The following PLEKHG3 variants were observed in gnomAD, a reference collection of about 807,000 sequenced individuals.
PLEKHG3 encodes the protein pleckstrin homology domain-containing family G member 3.
PLEKHG3 carries 62 observed loss-of-function variants against 94.9 expected under a neutral mutation model. That is an observed-to-expected ratio of 0.65 (90% confidence interval 0.53 to 0.81). PLEKHG3 has a LOEUF of 0.81. PLEKHG3 is among the 30% of genes least tolerant of loss of function. PLEKHG3 has a pLI of 0.00. For missense variants in PLEKHG3, 1,461 were observed against 1,619.3 expected (o/e 0.90, Z 1.68); for synonymous variants, 614 against 654.0 (o/e 0.94, Z 0.93).
rs1252103877 is a variant in PLEKHG3 at position 64,739,604 on chromosome 14, C to A, written c.1518+749C>A. ...GATGTCTTAGCTTGAGCTGCTGTAA[C>A]AAAATCCCTTACTGCTACGTGGGTA... On this transcript the variant is annotated intron_variant, in intron 15 of 16. Transcript: ENST00000247226. The surrounding 1 kb of genome is among the most constrained non-coding windows in gnomAD (Gnocchi z 4.1). 6.6e-6 allele frequency among the ~76,000 whole-genome samples: 1 copy of A among 152,252 alleles called. No individual in the cohort carries two copies. The highest frequency in any genetic ancestry group is 2.4e-5 in the African/African-American group (1 of 41,468).
At chr14:64,712,669 T>C (rs892174229) in intron 1 of PLEKHG3, among the ~76,000 whole-genome samples, 1 of 152,250 alleles carries the variant, frequency 6.6e-6, no homozygotes, top group African/African-American at 2.4e-5. Flanking sequence ...TCTTGTATTC[T>C]GGTACATTGC....
At position 64,715,872 on chromosome 14, in the gene PLEKHG3, C is replaced by G. The variant is rs1239561552; in HGVS notation, c.-40+11168C>G. 1.7e-5 allele frequency: 6 copies of G among 345,782 alleles called. No homozygotes were observed. The Admixed American group carries it at 1.9e-4, about 11-fold the overall frequency. The allele number at this position is 345,782 out of a possible 1,614,324, so 21.4% of individuals were successfully genotyped here. Reference sequence around the variant, plus strand: ...CCAGCAATCAGGAATGAGAGAAATGCAGAAAGTATGACCCACACGCAGAAC... The same window carrying G: ...CCAGCAATCAGGAATGAGAGAAATGGAGAAAGTATGACCCACACGCAGAAC... On this transcript the variant is annotated intron_variant, in intron 1 of 16. Coordinates refer to ENST00000247226, the MANE Select transcript of PLEKHG3 (RefSeq NM_001308147.2). This position sits in a 1 kb window ranked among gnomAD's most constrained non-coding sequence, Gnocchi z 4.4.
intron 12 of PLEKHG3, among the ~76,000 whole-genome samples, chr14:64,736,561 AG>A (rs927152955): frequency 6.6e-6 from 1 of 152,120 alleles, no homozygotes; most frequent in African/African-American, 2.4e-5. Flanking sequence ...CTCCTGCGCG[AG>A]GGCCCTGGGC....
At position 64,742,025 on chromosome 14, in the gene PLEKHG3, G is replaced by A. The variant is rs2081707516; in HGVS notation, c.2508G>A (p.Gln836=). The A allele has an allele frequency of 6.3e-7, 1 of 1,589,206 alleles. No individual in the cohort carries two copies. The highest frequency in any genetic ancestry group is 8.6e-7 in the Non-Finnish European group (1 of 1,166,620). The part of the protein sequence containing the change: ...GSPGKGPGQG[Q]ANGFDLHEPL... ...CTGGGAAGGGGCCAGGCCAGGGCCA[G>A]GCCAATGGCTTTGACCTGCATGAGC... Residue 836 remains glutamine (Q), a synonymous_variant, in exon 16 of 17, where the codon CAG becomes CAA. Coordinates refer to ENST00000247226, the MANE Select transcript of PLEKHG3 (RefSeq NM_001308147.2).
chr14:64,722,471 C>T lies in PLEKHG3; in HGVS notation c.-39-5122C>T, dbSNP rs556197202. On this transcript the variant is annotated intron_variant, in intron 1 of 16. Transcript: ENST00000247226. The surrounding 1 kb of genome is among the most constrained non-coding windows in gnomAD (Gnocchi z 4.3). ...CTGACCAAAGGTGATCCGCCCACCT[C>T]GGCCTCCCAAAGTGCTGGGATTACA... Among the ~76,000 whole-genome samples, 3 of 152,294 alleles carry T rather than the reference C, an allele frequency of 2.0e-5. No individual in the cohort carries two copies. The highest frequency in any genetic ancestry group is 2.1e-4 in the South Asian group (1 of 4,830).
Position 64,743,684 on chromosome 14 carries a change from C to A in PLEKHG3, c.3641C>A (p.Ala1214Asp). ...AGAAACCTTAGAGAGAAGTTCCAGG[C>A]CTTGAACTCTGTCGGTTGATGCTGA... ...RVRNLREKFQALNSVG is the reference protein window; with the variant it reads ...RVRNLREKFQDLNSVG Residue 1214 changes from alanine (A) to aspartate (D), a missense_variant, in exon 17 of 17, where the codon GCC becomes GAC. This residue lies in a region of PLEKHG3 where 1,201 missense variants were observed against 1,295.5 expected (regional missense o/e 0.93). Transcript: ENST00000247226. This position sits in a 1 kb window ranked among gnomAD's most constrained non-coding sequence, Gnocchi z 7.2. 6.4e-7 allele frequency: 1 copy of A among 1,567,350 alleles called. No homozygotes were observed. Among genetic ancestry groups the A allele is most frequent in the Non-Finnish European group, 8.6e-7 (1 of 1,158,066 alleles).
Position 64,716,509 on chromosome 14 carries a change from ACAC to A in PLEKHG3, c.-39-11083_-39-11081del, listed in dbSNP as rs2081163286. 7.5e-6 allele frequency among the ~76,000 whole-genome samples: 1 copy of A among 133,212 alleles called. No individual in the cohort carries two copies. The highest frequency in any genetic ancestry group is 1.6e-5 in the Non-Finnish European group (1 of 61,762). The allele number at this position is 133,212 out of a possible 152,430, so 87.4% of individuals were successfully genotyped here. A position where few individuals can be genotyped will look rare whatever the true frequency, so the allele number is the denominator to read the frequency against. ...ACACACACACACAACACACACACACACACACACACACACACACACACACACACA... is the reference window on the plus strand; with the variant it reads ...ACACACACACACAACACACACACACAACACACACACACACACACACACACA... On this transcript the variant is annotated intron_variant, in intron 1 of 16. Coordinates refer to ENST00000247226, the MANE Select transcript of PLEKHG3 (RefSeq NM_001308147.2). This position sits in a 1 kb window ranked among gnomAD's most constrained non-coding sequence, Gnocchi z 5.0.
chr14:64,736,976 C>A, intron 13 of PLEKHG3, 85 bp downstream of exon 13: 1 of 990,824 alleles, frequency 1.0e-6, no homozygotes, highest in Non-Finnish European at 1.6e-6. Flanking sequence ...TGGGGTGTGA[C>A]CTGAGGGTGG....
intron 1 of PLEKHG3, among the ~76,000 whole-genome samples, chr14:64,713,371 T>C (rs943111621): frequency 6.6e-6 from 1 of 152,198 alleles, no homozygotes; most frequent in Non-Finnish European, 1.5e-5. Context: ...GAAGAGTTGA[T>C]ATGAATTATT....
In PLEKHG3 at chr14:64,731,848, C is replaced by A; in HGVS notation, c.1125+42C>A. On this transcript the variant is annotated intron_variant, in intron 9 of 16. Transcript: ENST00000247226. This position sits in a 1 kb window ranked among gnomAD's most constrained non-coding sequence, Gnocchi z 6.1. ...GCTCAGGGGCTAGGGAACAAGATGCCCAGGGGACACCTGCGTGGGACTCCT... is the reference window on the plus strand; with the variant it reads ...GCTCAGGGGCTAGGGAACAAGATGCACAGGGGACACCTGCGTGGGACTCCT... 2.9e-6 allele frequency: 4 copies of A among 1,384,070 alleles called. No homozygotes were observed. The highest frequency in any genetic ancestry group is 4.1e-6 in the Non-Finnish European group (4 of 972,630). 85.7% of individuals were successfully genotyped at this position (1,384,070 alleles called of 1,614,324 possible).
chr14:64,707,498 T>C (rs1257151639), intron 1 of PLEKHG3, among the ~76,000 whole-genome samples: 1 of 152,214 alleles, frequency 6.6e-6, no homozygotes, highest in African/African-American at 2.4e-5. Flanking sequence ...ACAATAATTA[T>C]TGACCCAGTG....
Position 64,749,731 on chromosome 14 carries a change from C to T in PLEKHG3, c.*6028C>T. On this transcript the variant is annotated 3_prime_UTR_variant, in exon 17 of 17. Coordinates refer to ENST00000247226, the MANE Select transcript of PLEKHG3 (RefSeq NM_001308147.2). This position sits in a 1 kb window ranked among gnomAD's most constrained non-coding sequence, Gnocchi z 4.7. ...CAAAGGGTTTCCTGTCATGGAGACA[C>T]CTCTGGAGGGGGCGCTGGGCAGAGG... The T allele has an allele frequency of 6.2e-7, 1 of 1,610,476 alleles. No homozygotes were observed. The highest frequency in any genetic ancestry group is 8.5e-7 in the Non-Finnish European group (1 of 1,178,362).
In PLEKHG3 at chr14:64,705,365, G is replaced by A. The variant is rs559412203; in HGVS notation, c.-40+661G>A. On this transcript the variant is annotated intron_variant, in intron 1 of 16. Coordinates refer to ENST00000247226, the MANE Select transcript of PLEKHG3 (RefSeq NM_001308147.2). ...GCTTAAATTTTTAAGGCGTTAAATA[G>A]CTACTTTGACTCTTCGGGGCGCCTT... Among the ~76,000 whole-genome samples the A allele has an allele frequency of 5.3e-5, 8 of 152,328 alleles. No individual in the cohort carries two copies. In the South Asian group the frequency reaches 1.7e-3, roughly 32 times the overall value.
At position 64,743,031 on chromosome 14, in the gene PLEKHG3, C is replaced by T; in HGVS notation, c.2988C>T (p.Ala996=). The T allele has an allele frequency of 6.2e-7, 1 of 1,613,160 alleles. No individual in the cohort carries two copies. Among genetic ancestry groups the T allele is most frequent in the Non-Finnish European group, 8.5e-7 (1 of 1,179,716 alleles). ...LSLFDYEQLM[A]QEHSPPKPSS... Reference sequence around the variant, plus strand: ...TATTTGACTATGAGCAGCTGATGGCCCAGGAGCACAGCCCTCCCAAGCCCT... The same window carrying T: ...TATTTGACTATGAGCAGCTGATGGCTCAGGAGCACAGCCCTCCCAAGCCCT... Residue 996 remains alanine, a synonymous_variant, in exon 17 of 17, where the codon GCC becomes GCT. Transcript: ENST00000247226. This position sits in a 1 kb window ranked among gnomAD's most constrained non-coding sequence, Gnocchi z 7.2.
At position 64,731,516 on chromosome 14, in the gene PLEKHG3, T is replaced by C. The variant is rs2081464454; in HGVS notation, c.1005T>C (p.Asp335=). ...TGCTTATCACCAAGAAGCGGGGCGA[T>C]CACTTTGTCTACAAGGGCAACATCC... ...KTLLITKKRG[D]HFVYKGNIPC... is the part of the protein sequence containing the mutation. Residue 335 remains aspartate, a synonymous_variant, in exon 8 of 17, where the codon GAT becomes GAC. Transcript: ENST00000247226. This position sits in a 1 kb window ranked among gnomAD's most constrained non-coding sequence, Gnocchi z 6.1. 1 of 1,613,998 alleles carries C rather than the reference T, an allele frequency of 6.2e-7. No individual in the cohort carries two copies. Among genetic ancestry groups the C allele is most frequent in the Non-Finnish European group, 8.5e-7 (1 of 1,179,992 alleles).
intron 1 of PLEKHG3, among the ~76,000 whole-genome samples, chr14:64,719,106 C>T (rs911033583): frequency 6.6e-6 from 1 of 152,124 alleles, no homozygotes; most frequent in Non-Finnish European, 1.5e-5. Context: ...TCCTTTCCAG[C>T]TGAACTGCTG....
chr14:64,724,961 C>G (rs1429887696), intron 1 of PLEKHG3, among the ~76,000 whole-genome samples: 1 of 152,222 alleles, frequency 6.6e-6, no homozygotes, highest in African/African-American at 2.4e-5. Context: ...ACAGAGCGCT[C>G]AGAGCATTTC....
Position 64,736,906 on chromosome 14 carries a change from T to C in PLEKHG3, c.1384+15T>C. ...CAACGAGAAAGGTGAGTGTGTGAGGTGGCCAGCCATTCCCAGTGAGCGGGG... is the reference window on the plus strand; with the variant it reads ...CAACGAGAAAGGTGAGTGTGTGAGGCGGCCAGCCATTCCCAGTGAGCGGGG... On this transcript the variant is annotated intron_variant, in intron 13 of 16. Coordinates refer to ENST00000247226, the MANE Select transcript of PLEKHG3 (RefSeq NM_001308147.2). 1 of 1,606,568 alleles carries C rather than the reference T, an allele frequency of 6.2e-7. No homozygotes were observed. Among genetic ancestry groups the C allele is most frequent in the Non-Finnish European group, 8.5e-7 (1 of 1,173,642 alleles).
rs1042598200 is a variant in PLEKHG3, at chr14:64,718,014, G to C, written c.-39-9579G>C. 2.0e-5 allele frequency among the ~76,000 whole-genome samples: 3 copies of C among 152,208 alleles called. No homozygotes were observed. The East Asian group carries it at 5.8e-4, about 29-fold the overall frequency. ...CCTCTTGTTGCCAGTTGCCCGGGGC[G>C]TGGGGGTGGTCTGGGTCCTCTCGGG... On this transcript the variant is annotated intron_variant, in intron 1 of 16. Coordinates refer to ENST00000247226, the MANE Select transcript of PLEKHG3 (RefSeq NM_001308147.2). This position sits in a 1 kb window ranked among gnomAD's most constrained non-coding sequence, Gnocchi z 5.0.
Sources: gnomAD v4.1 joint callset for allele counts (sites outside exome capture counted in the v4.1 genomes callset) on GRCh38, gnomAD v4.1.1 for gene constraint, gnomAD v4.1.1 regional missense constraint, Gnocchi (gnomAD v3.1) non-coding constraint, MANE v1.5 for transcripts, NCBI Gene and HGNC (gene_info 2026-07-23, HGNC 2026-07-21) for gene names.